KCNIP4: variants seen among roughly 807,000 people sequenced by gnomAD.
KCNIP4 encodes the protein potassium voltage-gated channel interacting protein 4, also known as Kv channel-interacting protein 4.
A neutral mutation model predicts 34.0 loss-of-function variants in KCNIP4; 12 were observed. The observed-to-expected ratio is 0.35, with a 90% CI of 0.23 to 0.57. KCNIP4 has a LOEUF of 0.57. KCNIP4 is among the 20% of genes least tolerant of loss of function. The pLI, the probability that KCNIP4 is intolerant of heterozygous loss-of-function variation, is 0.83. For synonymous variants in KCNIP4, 124 were observed against 102.2 expected (o/e 1.21, Z -1.29); for missense variants, 238 against 311.7 (o/e 0.76, Z 1.78).
At chr4:20,953,668 C>T (rs982123426) in intron 1 of KCNIP4, among the ~76,000 whole-genome samples, 23 of 151,916 alleles carry the variant, frequency 1.5e-4, no homozygotes, top group African/African-American at 3.4e-4. Flanking sequence ...AGAGAGACTC[C>T]GTCTCAAAAA....
At chr4:21,225,730 C>T (rs549648591) in intron 1 of KCNIP4, among the ~76,000 whole-genome samples, 1 of 152,064 alleles carries the variant, frequency 6.6e-6, no homozygotes, top group Non-Finnish European at 1.5e-5. Flanking sequence ...AATGACTGAG[C>T]TCCCTAAAAC....
chr4:20,903,465 A>G lies in KCNIP4; in HGVS notation c.62-20756T>C, dbSNP rs371002727. Among the ~76,000 whole-genome samples, 539 of 152,272 alleles carry G rather than the reference A, an allele frequency of 3.5e-3. 12 individuals carry two copies. In the South Asian group the frequency reaches 0.063, roughly 18 times the overall value. Reference sequence around the variant, plus strand: ...GGCAGGGTAGCCACTATAAGACTTCAAAAGAACCTTGGTCTCCACAATCTT... The same window carrying G: ...GGCAGGGTAGCCACTATAAGACTTCGAAAGAACCTTGGTCTCCACAATCTT... On this transcript the variant is annotated intron_variant, in intron 1 of 8. Coordinates refer to ENST00000382152, the MANE Select transcript of KCNIP4 (RefSeq NM_025221.6).
At chr4:21,904,390 A>AG (rs1310608838) in intron 1 of KCNIP4, among the ~76,000 whole-genome samples, 2 of 152,202 alleles carry the variant, frequency 1.3e-5, no homozygotes, top group African/African-American at 4.8e-5. Flanking sequence ...GATATCCCAC[A>AG]GGAACCACTT....
At chr4:20,957,715 G>A (rs1288180737) in intron 1 of KCNIP4, among the ~76,000 whole-genome samples, 4 of 152,014 alleles carry the variant, frequency 2.6e-5, no homozygotes, top group Non-Finnish European at 5.9e-5. Context: ...AGAGGCATAT[G>A]GAAGCCATTT....
At chr4:20,984,588 A>G (rs1163452372) in intron 1 of KCNIP4, among the ~76,000 whole-genome samples, 1 of 152,156 alleles carries the variant, frequency 6.6e-6, no homozygotes, top group Non-Finnish European at 1.5e-5. Context: ...CCGTGATTCA[A>G]TGACTTTGTC....
intron 1 of KCNIP4, among the ~76,000 whole-genome samples, chr4:21,759,800 T>G (rs1021077389): frequency 2.0e-5 from 3 of 152,064 alleles, no homozygotes; most frequent in African/African-American, 4.8e-5. Context: ...CCACCTGTCC[T>G]TGTAAACTGC....
intron 1 of KCNIP4, among the ~76,000 whole-genome samples, chr4:21,347,689 G>C (rs979311987): frequency 6.6e-6 from 1 of 152,216 alleles, no homozygotes; most frequent in African/African-American, 2.4e-5. Context: ...AAAGCATGGA[G>C]TATAGTGCTT....
intron 1 of KCNIP4, among the ~76,000 whole-genome samples, chr4:21,455,115 C>T (rs1728818778): frequency 6.6e-6 from 1 of 152,030 alleles, no homozygotes; most frequent in Non-Finnish European, 1.5e-5. Context: ...TGCTCTTATT[C>T]TGTCCTTTTC....
chr4:21,386,704 C>T (rs943536999), intron 1 of KCNIP4, among the ~76,000 whole-genome samples: 3 of 152,114 alleles, frequency 2.0e-5, no homozygotes, highest in African/African-American at 7.2e-5. Flanking sequence ...TTTCATTCCT[C>T]AGGTGAGGGA....
At chr4:21,536,394 T>C (rs769286425) in intron 1 of KCNIP4, among the ~76,000 whole-genome samples, 6 of 152,182 alleles carry the variant, frequency 3.9e-5, no homozygotes, top group Non-Finnish European at 5.9e-5. Context: ...GTATTTTAAG[T>C]TTCAGCTAAA....
At chr4:21,565,229 G>A (rs1222895633) in intron 1 of KCNIP4, among the ~76,000 whole-genome samples, 1 of 152,116 alleles carries the variant, frequency 6.6e-6, no homozygotes, top group Non-Finnish European at 1.5e-5. Flanking sequence ...GCCATTCTGC[G>A]TCAGGGCCCT....
intron 1 of KCNIP4, among the ~76,000 whole-genome samples, chr4:21,411,758 A>T (rs1724529868): frequency 6.6e-6 from 1 of 152,184 alleles, no homozygotes; most frequent in Non-Finnish European, 1.5e-5. Flanking sequence ...GGATCACTTG[A>T]GCCCAGGAGG....
At position 21,256,341 on chromosome 4, in the gene KCNIP4, G is replaced by A. The variant is rs139896184; in HGVS notation, c.62-373632C>T. On this transcript the variant is annotated intron_variant, in intron 1 of 8. Coordinates refer to ENST00000382152, the MANE Select transcript of KCNIP4 (RefSeq NM_025221.6). ...GCCTGTAATATCAGCATTTGGGGAG[G>A]CCCACATTCCGGGATGATGGCTTGA... Among the ~76,000 whole-genome samples, 33 of 151,410 alleles carry A rather than the reference G, an allele frequency of 2.2e-4. No individual in the cohort carries two copies. In the East Asian group the frequency reaches 5.1e-3, roughly 23 times the overall value.
intron 1 of KCNIP4, among the ~76,000 whole-genome samples, chr4:21,066,964 G>A (rs1156626248): frequency 6.6e-6 from 1 of 152,132 alleles, no homozygotes; most frequent in African/African-American, 2.4e-5. Flanking sequence ...ACCCTAGGCA[G>A]TATAGTTCAC....
intron 1 of KCNIP4, among the ~76,000 whole-genome samples, chr4:21,158,778 C>G (rs1176107415): frequency 5.3e-5 from 8 of 151,902 alleles, no homozygotes; most frequent in African/African-American, 1.7e-4. Flanking sequence ...AGTGCAGATT[C>G]TAGCCAGTGC....
At chr4:21,126,693 T>C (rs1472032829) in intron 1 of KCNIP4, among the ~76,000 whole-genome samples, 1 of 151,618 alleles carries the variant, frequency 6.6e-6, no homozygotes, top group African/African-American at 2.4e-5. Context: ...AATAAGAGTG[T>C]TTCTGGAAGG....
chr4:21,073,573 C>A (rs1219070539), intron 1 of KCNIP4, among the ~76,000 whole-genome samples: 1 of 152,174 alleles, frequency 6.6e-6, no homozygotes, highest in Non-Finnish European at 1.5e-5. Context: ...ACAATCATGT[C>A]ATCTGCAAAC....
chr4:21,797,248 G>A (rs893555231), intron 1 of KCNIP4, among the ~76,000 whole-genome samples: 1 of 152,180 alleles, frequency 6.6e-6, no homozygotes, highest in African/African-American at 2.4e-5. Context: ...TCTACGCACA[G>A]GTGACCTCCG....
chr4:21,757,257 GAAA>G (rs67743382), intron 1 of KCNIP4, among the ~76,000 whole-genome samples: 7 of 29,266 alleles, frequency 2.4e-4, no homozygotes, highest in Admixed American at 2.4e-4. Flanking sequence ...GAAAAGAAAA[GAAA>G]AGAAAAGAAA....
Sources: gnomAD v4.1 joint callset for allele counts (sites outside exome capture counted in the v4.1 genomes callset) on GRCh38, gnomAD v4.1.1 for gene constraint, MANE v1.5 for transcripts, NCBI Gene and HGNC (gene_info 2026-07-23, HGNC 2026-07-21) for gene names.